Variants in SLC1A3 observed in about 807,000 individuals in gnomAD.
The protein encoded by SLC1A3 is excitatory amino acid transporter 1.
In SLC1A3, 21 loss-of-function variants were observed where a neutral mutation model predicts 48.1. The observed-to-expected ratio is 0.44, with a 90% CI of 0.31 to 0.63. The LOEUF (loss-of-function observed/expected upper bound fraction) is 0.63. Ranked by LOEUF, SLC1A3 falls within the 20% of genes least tolerant of loss-of-function variation. The pLI, the probability that SLC1A3 is intolerant of heterozygous loss-of-function variation, is 0.08. For missense variants in SLC1A3, 546 were observed against 689.0 expected (o/e 0.79, Z 2.32); for synonymous variants, 239 against 251.4 (o/e 0.95, Z 0.47).
Position 36,669,194 on chromosome 5 carries a change from G to C in SLC1A3, c.320-1835G>C, listed in dbSNP as rs148275177. On this transcript the variant is annotated intron_variant, in intron 3 of 9. Transcript: ENST00000265113. ...CAAGTTCAGGCACTCATGGGAAAGA[G>C]AGTGGGCCCCTTTCTGAGAGAAATC... The C allele has an allele frequency of 9.2e-5, 14 of 152,392 alleles. No individual in the cohort carries two copies. The East Asian group carries it at 2.7e-3, about 29-fold the overall frequency. The allele number at this position is 152,392 out of a possible 1,614,324, so 9.4% of individuals were successfully genotyped here.
intron 3 of SLC1A3, 132 bp from the exon 4 acceptor site, chr5:36,670,897 A>G: frequency 1.2e-6 from 1 of 816,388 alleles, no homozygotes; most frequent in South Asian, 1.5e-5. Flanking sequence ...CCAGGTTCTC[A>G]CAACATGTAC....
intron 3 of SLC1A3, among the ~76,000 whole-genome samples, chr5:36,634,233 G>T (rs963574537): frequency 4.6e-5 from 7 of 151,916 alleles, no homozygotes; most frequent in Admixed American, 2.6e-4. Context: ...CCAAGATCGC[G>T]CCACTGTAGT....
rs1394497257 is a variant in SLC1A3 at position 36,687,914 on chromosome 5, G to A, written c.*1645G>A. Reference sequence around the variant, plus strand: ...TGTGTTTGAGTTTCTGGCTGAAAATGGTGAAGAATGGACTTAATTATGCTA... The same window carrying A: ...TGTGTTTGAGTTTCTGGCTGAAAATAGTGAAGAATGGACTTAATTATGCTA... On this transcript the variant is annotated 3_prime_UTR_variant, in exon 10 of 10. Transcript: ENST00000265113. The A allele has an allele frequency of 6.6e-6, 1 of 152,464 alleles. No individual in the cohort carries two copies. Among genetic ancestry groups the A allele is most frequent in the East Asian group, 1.9e-4 (1 of 5,200 alleles). The allele number at this position is 152,464 out of a possible 1,614,324, so 9.4% of individuals were successfully genotyped here. A position where few individuals can be genotyped will look rare whatever the true frequency, so the allele number is the denominator to read the frequency against.
intron 1 of SLC1A3, among the ~76,000 whole-genome samples, chr5:36,597,213 C>A (rs1738752543): frequency 7.1e-6 from 1 of 140,734 alleles, no homozygotes; most frequent in Admixed American, 7.3e-5. Flanking sequence ...AAAGTCACAC[C>A]GAAAACTTCT....
At chr5:36,676,324 T>G (rs1209877663) in intron 5 of SLC1A3, among the ~76,000 whole-genome samples, 1 of 152,188 alleles carries the variant, frequency 6.6e-6, no homozygotes, top group Non-Finnish European at 1.5e-5. Flanking sequence ...ACTTTAAAAT[T>G]TGCAAGATGT....
At chr5:36,635,186 AAC>A (rs1386151960) in intron 3 of SLC1A3, among the ~76,000 whole-genome samples, 7 of 151,934 alleles carry the variant, frequency 4.6e-5, no homozygotes, top group Admixed American at 4.6e-4. Context: ...AAAAAAAAAA[AAC>A]AGTATCTAAC....
At chr5:36,639,030 G>A (rs905948843) in intron 3 of SLC1A3, among the ~76,000 whole-genome samples, 2 of 152,200 alleles carry the variant, frequency 1.3e-5, no homozygotes, top group African/African-American at 4.8e-5. Context: ...ATATTGATGA[G>A]CATAAAGTAA....
In SLC1A3 at chr5:36,685,889, A is replaced by C. The variant is rs113885881; in HGVS notation, c.1425-176A>C. ...GAACATTCATCATCTATATGGCCTT[A>C]TAACCTTTAATAGCTACTATTATGA... is the stretch of plus-strand genomic sequence containing the variant. On this transcript the variant is annotated intron_variant, in intron 9 of 9. Transcript: ENST00000265113. Among the ~76,000 whole-genome samples, 373 of 152,376 alleles carry C rather than the reference A, an allele frequency of 2.4e-3. 2 individuals are homozygous for C. The highest frequency in any genetic ancestry group is 0.01 in the Middle Eastern group (3 of 294).
At chr5:36,638,243 A>G (rs1213831097) in intron 3 of SLC1A3, among the ~76,000 whole-genome samples, 1 of 152,126 alleles carries the variant, frequency 6.6e-6, no homozygotes, top group African/African-American at 2.4e-5. Context: ...TATCTGGCAC[A>G]TTCTTTGCAT....
chr5:36,609,978 CTG>C (rs1739126688), intron 2 of SLC1A3, among the ~76,000 whole-genome samples: 1 of 152,186 alleles, frequency 6.6e-6, no homozygotes, highest in African/African-American at 2.4e-5. Flanking sequence ...TCCAGCTACT[CTG>C]TAGGAGTTTT....
chr5:36,653,717 T>A (rs1423464930), intron 3 of SLC1A3, among the ~76,000 whole-genome samples: 3 of 152,226 alleles, frequency 2.0e-5, no homozygotes, highest in Non-Finnish European at 2.9e-5. Context: ...CCTGGACTTG[T>A]GAGCTTTGAG....
intron 3 of SLC1A3, among the ~76,000 whole-genome samples, chr5:36,645,512 G>C (rs1364278327): frequency 6.6e-6 from 1 of 151,652 alleles, no homozygotes; most frequent in Non-Finnish European, 1.5e-5. Context: ...TTTTAGTATA[G>C]ACAGGTTTCA....
At chr5:36,611,297 A>G (rs1460754629) in intron 2 of SLC1A3, among the ~76,000 whole-genome samples, 6 of 151,004 alleles carry the variant, frequency 4.0e-5, no homozygotes. Context: ...AAAAAAAAAA[A>G]AAATCACTGG....
At chr5:36,683,582 G>C (rs7704118) in intron 8 of SLC1A3, among the ~76,000 whole-genome samples, 130,459 of 151,796 alleles carry the variant, frequency 0.86, 56,143 homozygotes, top group Middle Eastern at 0.91. Context: ...GGGGCATGAA[G>C]CTGTATTCCC....
intron 2 of SLC1A3, 46 bp downstream of exon 2, chr5:36,608,650 T>G: frequency 6.2e-7 from 1 of 1,607,106 alleles, no homozygotes; most frequent in Non-Finnish European, 8.5e-7. Flanking sequence ...CTTGTTTCTC[T>G]GGGGCATCTG....
At chr5:36,645,027 C>T (rs1740779162) in intron 3 of SLC1A3, among the ~76,000 whole-genome samples, 1 of 152,170 alleles carries the variant, frequency 6.6e-6, no homozygotes, top group African/African-American at 2.4e-5. Context: ...CTGCTTCAGT[C>T]TCAGGCTATA....
intron 3 of SLC1A3, among the ~76,000 whole-genome samples, chr5:36,663,980 G>T (rs927942723): frequency 6.6e-6 from 1 of 152,174 alleles, no homozygotes; most frequent in Non-Finnish European, 1.5e-5. Flanking sequence ...CTGTTCAAGT[G>T]AAATGACCCA....
upstream of SLC1A3, among the ~76,000 whole-genome samples, chr5:36,601,667 C>T (rs541216368): frequency 9.2e-5 from 14 of 152,264 alleles, no homozygotes; most frequent in South Asian, 2.5e-3. Flanking sequence ...ACCCAGGGAG[C>T]TACCTGGGGG....
Position 36,649,971 on chromosome 5 carries a change from G to A in SLC1A3, c.319+20384G>A, listed in dbSNP as rs147451418. ...AATTAATTATAATACGTTCCATCAT[G>A]GATTACTTTAGTGCACTTAAAATTT... On this transcript the variant is annotated intron_variant, in intron 3 of 9. Transcript: ENST00000265113. 2.2e-3 allele frequency among the ~76,000 whole-genome samples: 337 copies of A among 152,288 alleles called. 3 individuals carry two copies. Among genetic ancestry groups the A allele is most frequent in the African/African-American group, 7.9e-3 (330 of 41,558 alleles).
Sources: allele counts gnomAD v4.1 joint callset (sites outside exome capture counted in the v4.1 genomes callset), GRCh38; gene constraint gnomAD v4.1.1; transcripts MANE v1.5; gene names NCBI Gene and HGNC (gene_info 2026-07-23, HGNC 2026-07-21).